DIP2A: variants seen among roughly 807,000 people sequenced by gnomAD.
The protein encoded by DIP2A is disco-interacting protein 2 homolog A.
DIP2A carries 85 observed loss-of-function variants against 177.4 expected under a neutral mutation model. The ratio of observed to expected loss-of-function variants is 0.48; its 90% CI spans 0.40 to 0.57. The LOEUF (loss-of-function observed/expected upper bound fraction) is 0.57, where lower values mean the gene tolerates loss of function less well. Among genes scored for constraint, DIP2A ranks in the 20% least tolerant of loss-of-function variants. The pLI, the probability that DIP2A is intolerant of heterozygous loss-of-function variation, is 0.00. For missense variants in DIP2A, 1,791 were observed against 2,100.2 expected (o/e 0.85, Z 2.88); for synonymous variants, 886 against 881.8 (o/e 1.00, Z -0.08).
At chr21:46,510,697 C>G (rs1323480567) in intron 7 of DIP2A, among the ~76,000 whole-genome samples, 1 of 139,352 alleles carries the variant, frequency 7.2e-6, no homozygotes, top group Non-Finnish European at 1.5e-5. Flanking sequence ...GTGGTGCGAT[C>G]TCGAATCACT....
At chr21:46,497,567 G>T (rs991302291) in intron 4 of DIP2A, among the ~76,000 whole-genome samples, 20 of 152,152 alleles carry the variant, frequency 1.3e-4, no homozygotes, top group Non-Finnish European at 2.8e-4. Context: ...TTGTTTTATT[G>T]TTGGTACCAT....
chr21:46,562,464 C>T (rs2060698312), intron 34 of DIP2A, among the ~76,000 whole-genome samples: 1 of 152,216 alleles, frequency 6.6e-6, no homozygotes, highest in African/African-American at 2.4e-5. Context: ...GGAGCTTGGC[C>T]ACCCTGACTC....
intron 20 of DIP2A, chr21:46,546,183 TC>T: frequency 7.5e-7 from 1 of 1,325,054 alleles, no homozygotes; most frequent in Non-Finnish European, 9.7e-7. Flanking sequence ...GAGTCGGGGG[TC>T]CCCGGGGTGG....
chr21:46,505,432 C>A (rs569301236), intron 6 of DIP2A, among the ~76,000 whole-genome samples: 31 of 152,128 alleles, frequency 2.0e-4, no homozygotes, highest in Middle Eastern at 3.4e-3. Flanking sequence ...CGTGGTGAAA[C>A]CCCATCTCTA....
chr21:46,514,856 T>G (rs980534977), intron 8 of DIP2A, among the ~76,000 whole-genome samples: 1 of 152,050 alleles, frequency 6.6e-6, no homozygotes, highest in African/African-American at 2.4e-5. Context: ...TTATCATGAG[T>G]TGGGATTGAA....
chr21:46,550,413 A>G (rs537191958), intron 22 of DIP2A, 130 bp from the exon 23 acceptor site: 4 of 821,926 alleles, frequency 4.9e-6, no homozygotes, highest in East Asian at 2.7e-5. Flanking sequence ...TCATTTAACA[A>G]AGTGTCCAGA....
chr21:46,525,070 A>G (rs1460822585), intron 8 of DIP2A, among the ~76,000 whole-genome samples: 1 of 151,268 alleles, frequency 6.6e-6, no homozygotes, highest in African/African-American at 2.4e-5. Flanking sequence ...TATTTTTAGT[A>G]GAGTCAGGGT....
At chr21:46,495,423 C>T (rs2057301938) in intron 3 of DIP2A, among the ~76,000 whole-genome samples, 1 of 151,774 alleles carries the variant, frequency 6.6e-6, no homozygotes. Context: ...CATGCACCAC[C>T]ATGCCCGGCT....
At chr21:46,509,013 G>A (rs754972954) in intron 6 of DIP2A, among the ~76,000 whole-genome samples, 1 of 151,818 alleles carries the variant, frequency 6.6e-6, no homozygotes, top group East Asian at 1.9e-4. Context: ...GTGAGTCTCC[G>A]TCTAAAGCAA....
Position 46,537,876 on chromosome 21 carries a change from G to A in DIP2A, c.1801+337G>A, listed in dbSNP as rs2059639383. On this transcript the variant is annotated intron_variant, in intron 15 of 37. Transcript: ENST00000417564. This position sits in a 1 kb window ranked among gnomAD's most constrained non-coding sequence, Gnocchi z 4.1. ...AGTTGGCAGTCTGTGTCTCTGCCCT[G>A]TGGAGCTCAGTGGCACTTCTACCAG... 6.6e-6 allele frequency among the ~76,000 whole-genome samples: 1 copy of A among 152,196 alleles called. No homozygotes were observed. The highest frequency in any genetic ancestry group is 2.1e-4 in the South Asian group (1 of 4,834).
chr21:46,561,632 C>T, intron 33 of DIP2A, 116 bp from the exon 34 acceptor site: 1 of 1,337,336 alleles, frequency 7.5e-7, no homozygotes, highest in Non-Finnish European at 1.1e-6. Flanking sequence ...AGGTTGACAT[C>T]CTGACTGTTG....
rs118001866 is a variant in DIP2A, at chr21:46,569,547, G to T, written c.*1925G>T. The T allele has an allele frequency of 1.7e-4, 26 of 151,796 alleles. No individual in the cohort carries two copies. In the East Asian group the frequency reaches 4.8e-3, roughly 28 times the overall value. 9.4% of individuals were successfully genotyped at this position (151,796 alleles called of 1,614,324 possible). ...TGTAGTTTTATAGCAAACAAAAATTGTCAGCTTTTTGTATTGAAAGGTCAG... is the reference window on the plus strand; with the variant it reads ...TGTAGTTTTATAGCAAACAAAAATTTTCAGCTTTTTGTATTGAAAGGTCAG... On this transcript the variant is annotated 3_prime_UTR_variant, in exon 38 of 38. Coordinates refer to ENST00000417564, the MANE Select transcript of DIP2A (RefSeq NM_015151.4).
intron 13 of DIP2A, among the ~76,000 whole-genome samples, chr21:46,536,147 G>C (rs2050948802): frequency 6.6e-6 from 1 of 152,236 alleles, no homozygotes; most frequent in South Asian, 2.1e-4. Flanking sequence ...GGTGTTTATA[G>C]TACTGTTATT....
At chr21:46,477,543 T>TTTTG (rs374607636) in intron 1 of DIP2A, among the ~76,000 whole-genome samples, 68 of 87,130 alleles carry the variant, frequency 7.8e-4, no homozygotes, top group Middle Eastern at 0.012. Flanking sequence ...AAAAAAAGAT[T>TTTTG]TGTGTGTGTG....
intron 26 of DIP2A, 124 bp downstream of exon 26, chr21:46,554,416 A>G (rs1292846361): frequency 3.2e-6 from 5 of 1,549,550 alleles, no homozygotes; most frequent in African/African-American, 2.7e-5. Flanking sequence ...TCCTCTCTGC[A>G]TGTGTCTGCC....
rs565740660 is a variant in DIP2A at position 46,498,296 on chromosome 21, T to G, written c.404-286T>G. Among the ~76,000 whole-genome samples, 20 of 152,326 alleles carry G rather than the reference T, an allele frequency of 1.3e-4. No individual in the cohort carries two copies. The highest frequency in any genetic ancestry group is 4.1e-4 in the African/African-American group (17 of 41,586). On this transcript the variant is annotated intron_variant, in intron 4 of 37. Transcript: ENST00000417564. The surrounding 1 kb of genome is among the most constrained non-coding windows in gnomAD (Gnocchi z 4.3). Reference sequence around the variant, plus strand: ...CACTGAGGTATATGCTGAAGCCGTTTAGGAGATCAGAGGCTGTCTTCACTG... The same window carrying G: ...CACTGAGGTATATGCTGAAGCCGTTGAGGAGATCAGAGGCTGTCTTCACTG...
At chr21:46,527,250 ATTCT>A (rs2059133165) in intron 8 of DIP2A, among the ~76,000 whole-genome samples, 1 of 149,776 alleles carries the variant, frequency 6.7e-6, no homozygotes, top group Non-Finnish European at 1.5e-5. Flanking sequence ...TCAGTTTGAA[ATTCT>A]TTATGCATTA....
intron 32 of DIP2A, 74 bp downstream of exon 32, chr21:46,558,467 T>C: frequency 6.9e-7 from 1 of 1,453,142 alleles, no homozygotes; most frequent in Non-Finnish European, 9.3e-7. Flanking sequence ...CAGTTGTTAA[T>C]GTGCCGTTTT....
chr21:46,543,414 C>G (rs750257042), intron 18 of DIP2A, among the ~76,000 whole-genome samples: 1 of 152,134 alleles, frequency 6.6e-6, no homozygotes, highest in Non-Finnish European at 1.5e-5. Context: ...CTCCCGTAGG[C>G]GTGCACGCAG....
Sources: gnomAD v4.1 joint callset for allele counts (sites outside exome capture counted in the v4.1 genomes callset) on GRCh38, gnomAD v4.1.1 for gene constraint, Gnocchi (gnomAD v3.1) non-coding constraint, MANE v1.5 for transcripts, NCBI Gene and HGNC (gene_info 2026-07-23, HGNC 2026-07-21) for gene names.